ITGA1: variants seen among roughly 807,000 people sequenced by gnomAD.
ITGA1 encodes the protein integrin alpha-1.
ITGA1 carries 85 observed loss-of-function variants against 145.9 expected under a neutral mutation model. That is an observed-to-expected ratio of 0.58 (90% CI 0.49 to 0.70). The LOEUF (loss-of-function observed/expected upper bound fraction) is 0.70. ITGA1 is among the 30% of genes least tolerant of loss of function. ITGA1 has a pLI of 0.00. For missense variants in ITGA1, 1,351 were observed against 1,418.7 expected, an observed-to-expected ratio of 0.95 and a Z score of 0.77; for synonymous variants, 520 against 495.3, an observed-to-expected ratio of 1.05 and a Z score of -0.66.
chr5:52,827,076 A>G (rs1477315623), intron 1 of ITGA1, among the ~76,000 whole-genome samples: 1 of 148,780 alleles, frequency 6.7e-6, no homozygotes, highest in East Asian at 2.0e-4. Flanking sequence ...ACCATTATAG[A>G]TGCCATTAAG....
intron 6 of ITGA1, among the ~76,000 whole-genome samples, chr5:52,878,527 CAT>C (rs1229244310): frequency 6.6e-6 from 1 of 152,146 alleles, no homozygotes; most frequent in East Asian, 1.9e-4. Flanking sequence ...TATTAACACA[CAT>C]GTGGCAAAAA....
intron 4 of ITGA1, 33 bp downstream of exon 4, chr5:52,864,884 C>A (rs1290293901): frequency 1.3e-6 from 2 of 1,545,258 alleles, no homozygotes; most frequent in Non-Finnish European, 1.8e-6. Context: ...TTATTGACAA[C>A]AGATATGCTA....
chr5:52,828,165 C>A (rs576616795), intron 1 of ITGA1, among the ~76,000 whole-genome samples: 8 of 152,104 alleles, frequency 5.3e-5, no homozygotes, highest in Non-Finnish European at 1.2e-4. Flanking sequence ...GGGTGATATA[C>A]CTAGGAATAG....
intron 1 of ITGA1, among the ~76,000 whole-genome samples, chr5:52,820,776 A>G (rs902671490): frequency 6.6e-6 from 1 of 152,190 alleles, no homozygotes; most frequent in Non-Finnish European, 1.5e-5. Flanking sequence ...AATCAGGTAA[A>G]CATGAATAAG....
At chr5:52,820,535 G>GA in intron 1 of ITGA1, among the ~76,000 whole-genome samples, 1 of 97,796 alleles carries the variant, frequency 1.0e-5, no homozygotes, top group Middle Eastern at 5.1e-3. Context: ...AAAAAAAAAA[G>GA]AAAAAGAAAA....
Position 52,953,549 on chromosome 5 carries a change from A to G in ITGA1, c.*1098A>G, listed in dbSNP as rs909677521. ...TCCATTTCAGTATTACATTTTACCA[A>G]GAAGTCACTGCTTTTTAGGTGTGTT... On this transcript the variant is annotated 3_prime_UTR_variant, in exon 29 of 29. Transcript: ENST00000282588. The G allele has an allele frequency of 6.6e-6, 1 of 152,216 alleles. No homozygotes were observed. The highest frequency in any genetic ancestry group is 1.5e-5 in the Non-Finnish European group (1 of 68,034). The allele number at this position is 152,216 out of a possible 1,614,324, so 9.4% of individuals were successfully genotyped here.
intron 12 of ITGA1, among the ~76,000 whole-genome samples, 184 bp from the exon 13 acceptor site, chr5:52,908,714 T>C (rs1750448790): frequency 6.6e-6 from 1 of 152,230 alleles, no homozygotes; most frequent in South Asian, 2.1e-4. Context: ...TGGAACCGAC[T>C]GATATTCTTT....
At position 52,898,234 on chromosome 5, in the gene ITGA1, G is replaced by A; in HGVS notation, c.1165-5G>A. 6.6e-7 allele frequency: 1 copy of A among 1,511,424 alleles called. No individual in the cohort carries two copies. The highest frequency in any genetic ancestry group is 1.4e-5 in the South Asian group (1 of 73,018). 93.6% of individuals were successfully genotyped at this position (1,511,424 alleles called of 1,614,324 possible). A position where few individuals can be genotyped will look rare whatever the true frequency, so the allele number is the denominator to read the frequency against. ...ATATTATTATCTTATTTATTTGCAT[G>A]TAAGGACTGGGTCATGCTTGGAGCA... On this transcript the variant is annotated splice_polypyrimidine_tract_variant and splice_region_variant and intron_variant, in intron 10 of 28. Transcript: ENST00000282588.
intron 13 of ITGA1, 59 bp downstream of exon 13, chr5:52,909,100 T>G: frequency 6.5e-7 from 1 of 1,534,548 alleles, no homozygotes; most frequent in Non-Finnish European, 8.8e-7. Flanking sequence ...CTTCATTTTT[T>G]AATAATAAAT....
chr5:52,874,796 T>C (rs371665941), intron 6 of ITGA1, among the ~76,000 whole-genome samples: 2 of 152,180 alleles, frequency 1.3e-5, no homozygotes, highest in South Asian at 2.1e-4. Context: ...AAATAATATA[T>C]TGGGACAGCT....
intron 11 of ITGA1, among the ~76,000 whole-genome samples, chr5:52,901,215 G>C (rs1480114377): frequency 2.0e-5 from 3 of 152,118 alleles, no homozygotes; most frequent in Admixed American, 6.6e-5. Context: ...AAAGATGGAG[G>C]GGGGCCACAA....
chr5:52,897,875 A>C (rs1381810509), intron 10 of ITGA1, among the ~76,000 whole-genome samples: 1 of 152,176 alleles, frequency 6.6e-6, no homozygotes, highest in Non-Finnish European at 1.5e-5. Flanking sequence ...GGGTCTTATT[A>C]GAATTCCATG....
chr5:52,912,390 G>T (rs1365603286), intron 14 of ITGA1, among the ~76,000 whole-genome samples: 1 of 143,910 alleles, frequency 6.9e-6, no homozygotes, highest in Non-Finnish European at 1.5e-5. Context: ...TATATATAGT[G>T]TATCCAGTGT....
chr5:52,930,022 A>G (rs1406963720), intron 21 of ITGA1, among the ~76,000 whole-genome samples: 1 of 152,182 alleles, frequency 6.6e-6, no homozygotes, highest in Non-Finnish European at 1.5e-5. Context: ...ATAATTTAAA[A>G]ACTTTCACTG....
At chr5:52,816,167 T>C (rs190420837) in intron 1 of ITGA1, among the ~76,000 whole-genome samples, 1 of 152,350 alleles carries the variant, frequency 6.6e-6, no homozygotes, top group African/African-American at 2.4e-5. Context: ...TCCAGAGTAA[T>C]GCTCCAAACA....
chr5:52,800,827 G>T, intron 1 of ITGA1: 1 of 1,610,244 alleles, frequency 6.2e-7, no homozygotes, highest in Non-Finnish European at 8.5e-7. Flanking sequence ...CATGCAGGAA[G>T]GCCTCGCCCA....
In ITGA1 at chr5:52,954,244, T is replaced by TC; in HGVS notation, c.*1794dup. 1 of 152,304 alleles carries TC rather than the reference T, an allele frequency of 6.6e-6. No individual in the cohort carries two copies. Among genetic ancestry groups the TC allele is most frequent in the Non-Finnish European group, 1.5e-5 (1 of 68,020 alleles). 9.4% of individuals were successfully genotyped at this position (152,304 alleles called of 1,614,324 possible). ...TCTTTGCCCAGTAAAACTCAGGGTT[T>TC]CTCTTATTCAGAGTTACCATGTTGC... is the stretch of plus-strand genomic sequence containing the variant. On this transcript the variant is annotated 3_prime_UTR_variant, in exon 29 of 29. Transcript: ENST00000282588.
In ITGA1 at chr5:52,956,764, G is replaced by A. The variant is rs1023346543; in HGVS notation, c.*4313G>A. The A allele has an allele frequency of 6.6e-6, 1 of 152,146 alleles. No individual in the cohort carries two copies. The highest frequency in any genetic ancestry group is 1.5e-5 in the Non-Finnish European group (1 of 68,014). The allele number at this position is 152,146 out of a possible 1,614,324, so 9.4% of individuals were successfully genotyped here. On this transcript the variant is annotated 3_prime_UTR_variant, in exon 29 of 29. Transcript: ENST00000282588. ...GAAATCATCTAAAAAATGAAAAGAA[G>A]GGCCTTAAAGTCCTCACATGGATGC... is the stretch of plus-strand genomic sequence containing the variant.
intron 1 of ITGA1, among the ~76,000 whole-genome samples, chr5:52,788,953 G>T (rs1299177107): frequency 1.3e-5 from 2 of 152,158 alleles, no homozygotes; most frequent in African/African-American, 4.8e-5. Flanking sequence ...ATGTTTCTAT[G>T]TCAGCACCCA....
Sources: allele counts gnomAD v4.1 joint callset (sites outside exome capture counted in the v4.1 genomes callset), GRCh38; gene constraint gnomAD v4.1.1; transcripts MANE v1.5; gene names NCBI Gene and HGNC (gene_info 2026-07-23, HGNC 2026-07-21).